The following SRSF8 variants were observed in gnomAD, a reference collection of about 807,000 sequenced individuals.
SRSF8 encodes the protein serine and arginine rich splicing factor 8.
SRSF8 carries 3 observed loss-of-function variants against 2.0 expected under a neutral mutation model. That is an observed-to-expected ratio of 1.47 (90% confidence interval 0.67 to 3.79). SRSF8 has a LOEUF of 3.79. Ranked by LOEUF, SRSF8 falls within the 30% of genes most tolerant of loss-of-function variation. The pLI, the probability that SRSF8 is intolerant of heterozygous loss-of-function variation, is 0.02. For synonymous variants in SRSF8, 162 were observed against 170.7 expected (o/e 0.95, Z 0.40); for missense variants, 408 against 410.9 (o/e 0.99, Z 0.06).
rs182269432 is a variant in SRSF8 at position 95,067,934 on chromosome 11, G to T, written c.708G>T (p.Ser236=). The change falls in exon 1 of 1, where the codon TCG becomes TCT. Residue 236 remains serine, a synonymous_variant. Transcript: ENST00000587424. ...SSSARRSKSS[S]VSRSRSRSRS... ...CTGCGCGACGATCCAAGTCCTCCTC[G>T]GTCTCCAGGTCTCGCTCGCGGTCCA... The T allele has an allele frequency of 1.9e-6, 3 of 1,613,956 alleles. No homozygotes were observed. Among genetic ancestry groups the T allele is most frequent in the Non-Finnish European group, 2.5e-6 (3 of 1,179,910 alleles).
In SRSF8 at chr11:95,067,394, CTTCGCT is replaced by C. The variant is rs1461320386; in HGVS notation, c.173_178del (p.Ala58_Phe59del). 3.3e-5 allele frequency: 52 copies of C among 1,585,394 alleles called. No individual in the cohort carries two copies. The highest frequency in any genetic ancestry group is 4.4e-5 in the Non-Finnish European group (51 of 1,168,682). ...AGCCCCACACCAAGGCGCCCCGGGG[CTTCGCT>C]TTCGTCCGCTTTCACGACCGGCGCG... On this transcript the variant is annotated inframe_deletion, in exon 1 of 1. Coordinates refer to ENST00000587424, the MANE Select transcript of SRSF8 (RefSeq NM_032102.4).
rs1555107668 is a variant in SRSF8 at position 95,070,475 on chromosome 11, G to A, written c.*2400G>A. On this transcript the variant is annotated 3_prime_UTR_variant, in exon 1 of 1. Coordinates refer to ENST00000587424, the MANE Select transcript of SRSF8 (RefSeq NM_032102.4). ...CAGAAATGTGTAGTTGTCATTGAAG[G>A]TGTGAACATACCCTACCTCTACTCT... The A allele has an allele frequency of 6.0e-6, 1 of 167,196 alleles. No homozygotes were observed. The highest frequency in any genetic ancestry group is 1.5e-5 in the Non-Finnish European group (1 of 68,148). 10.4% of individuals were successfully genotyped at this position (167,196 alleles called of 1,614,324 possible). A position where few individuals can be genotyped will look rare whatever the true frequency, so the allele number is the denominator to read the frequency against.
At position 95,069,534 on chromosome 11, in the gene SRSF8, A is replaced by G. The variant is rs1269414136; in HGVS notation, c.*1459A>G. ...GATCTTCATTAATATTTTTGACTGA[A>G]TTATCAATTAAAAATATTTCATTCC... On this transcript the variant is annotated 3_prime_UTR_variant, in exon 1 of 1. Transcript: ENST00000587424. 1 of 167,062 alleles carries G rather than the reference A, an allele frequency of 6.0e-6. No homozygotes were observed. Among genetic ancestry groups the G allele is most frequent in the Non-Finnish European group, 1.5e-5 (1 of 68,126 alleles). 10.3% of individuals were successfully genotyped at this position (167,062 alleles called of 1,614,324 possible).
Position 95,067,181 on chromosome 11 carries a change from C to A in SRSF8, c.-46C>A, listed in dbSNP as rs556415336. 5.0e-5 allele frequency: 68 copies of A among 1,362,966 alleles called. No homozygotes were observed. In the South Asian group the frequency reaches 1.2e-3, roughly 24 times the overall value. 84.4% of individuals were successfully genotyped at this position (1,362,966 alleles called of 1,614,324 possible). ...AAAGAAACGCAGGTCGCACCGTCAG[C>A]GCCCAGAGCAGCGCCAGTTTCCGGG... On this transcript the variant is annotated 5_prime_UTR_variant, in exon 1 of 1. Coordinates refer to ENST00000587424, the MANE Select transcript of SRSF8 (RefSeq NM_032102.4).
Position 95,067,651 on chromosome 11 carries a change from C to G in SRSF8, c.425C>G (p.Ser142Cys). The part of the protein sequence containing the change: ...HRSRSRGPSC[S>C]RSRSRSRYRG... ...AGCCGATCCCGGGGTCCCAGCTGCT[C>G]CAGGTCCCGCAGCCGATCTCGCTAT... The change falls in exon 1 of 1, where the codon TCC becomes TGC. Residue 142 changes from serine (S) to cysteine (C), a missense_variant. Physicochemically the swap from Ser to Cys is moderately radical, Grantham distance 112. This residue lies in a region of SRSF8 where 346 missense variants were observed against 316.5 expected (regional missense o/e 1.09). Transcript: ENST00000587424. 1.2e-6 allele frequency: 2 copies of G among 1,606,586 alleles called. No individual in the cohort carries two copies. The highest frequency in any genetic ancestry group is 8.5e-7 in the Non-Finnish European group (1 of 1,176,538).
In SRSF8 at chr11:95,068,550, G is replaced by A. The variant is rs991432081; in HGVS notation, c.*475G>A. The A allele has an allele frequency of 4.0e-5, 7 of 173,996 alleles. No homozygotes were observed. The East Asian group carries it at 9.1e-4, about 23-fold the overall frequency. 10.8% of individuals were successfully genotyped at this position (173,996 alleles called of 1,614,324 possible). On this transcript the variant is annotated 3_prime_UTR_variant, in exon 1 of 1. Transcript: ENST00000587424. ...TATGGATAATTTTATTTACCTCCAG[G>A]TCTAAAAGGTAGTGTGACCCAAATT...
chr11:95,068,229 T>G lies in SRSF8; in HGVS notation c.*154T>G, dbSNP rs1409234681. ...CTTTTTGCCAGTTTGAAGCTTTGCA[T>G]CAGGTGGCAAAATTCATTCTATGTG... is the stretch of plus-strand genomic sequence containing the variant. On this transcript the variant is annotated 3_prime_UTR_variant, in exon 1 of 1. Transcript: ENST00000587424. 1 of 756,390 alleles carries G rather than the reference T, an allele frequency of 1.3e-6. No homozygotes were observed. Among genetic ancestry groups the G allele is most frequent in the Admixed American group, 2.9e-5 (1 of 33,920 alleles). 46.9% of individuals were successfully genotyped at this position (756,390 alleles called of 1,614,324 possible). A position where few individuals can be genotyped will look rare whatever the true frequency, so the allele number is the denominator to read the frequency against.
rs553685528 is a variant in SRSF8, at chr11:95,071,195, A to T, written c.*3120A>T. 6.0e-6 allele frequency: 1 copy of T among 166,934 alleles called. No individual in the cohort carries two copies. Among genetic ancestry groups the T allele is most frequent in the African/African-American group, 2.4e-5 (1 of 41,428 alleles). 10.3% of individuals were successfully genotyped at this position (166,934 alleles called of 1,614,324 possible). ...GTAGTGTTTTACTAATTAATAAATC[A>T]TAATTCAGTTTTTACTGTTCTATTG... On this transcript the variant is annotated 3_prime_UTR_variant, in exon 1 of 1. Transcript: ENST00000587424.
At position 95,070,676 on chromosome 11, in the gene SRSF8, A is replaced by G. The variant is rs1555107688; in HGVS notation, c.*2601A>G. On this transcript the variant is annotated 3_prime_UTR_variant, in exon 1 of 1. Transcript: ENST00000587424. ...GCAGAATGGAGTGTATGTGGTCAAGAGTGGAAGCTGTGAGGCTATTGCAGT... is the reference window on the plus strand; with the variant it reads ...GCAGAATGGAGTGTATGTGGTCAAGGGTGGAAGCTGTGAGGCTATTGCAGT... 30 of 167,114 alleles carry G rather than the reference A, an allele frequency of 1.8e-4. No individual in the cohort carries two copies. 10.4% of individuals were successfully genotyped at this position (167,114 alleles called of 1,614,324 possible).
Position 95,067,812 on chromosome 11 carries a change from A to G in SRSF8, c.586A>G (p.Ser196Gly), listed in dbSNP as rs782123321. 7.0e-5 allele frequency: 113 copies of G among 1,613,912 alleles called. 1 individual carries two copies. The Admixed American group carries it at 1.8e-3, about 26-fold the overall frequency. The change falls in exon 1 of 1, where the codon AGT becomes GGT. Residue 196 changes from serine (S) to glycine (G), a missense_variant. Transcript: ENST00000587424. ...GGSHYSSSGY[S>G]NSRYSRYHSS... ...ATCTCACTACAGCTCATCTGGTTAC[A>G]GTAACTCTCGCTACAGCCGATATCA...
rs1858690724 is a variant in SRSF8, at chr11:95,068,658, C to G, written c.*583C>G. The G allele has an allele frequency of 1.2e-5, 2 of 170,342 alleles. No homozygotes were observed. The highest frequency in any genetic ancestry group is 3.9e-4 in the South Asian group (2 of 5,140). 10.6% of individuals were successfully genotyped at this position (170,342 alleles called of 1,614,324 possible). ...CTTTTGTGTTTTTGTGCACCAGGCC[C>G]GGCTGCGTAGCAGTTGAGTGATGCT... is the stretch of plus-strand genomic sequence containing the variant. On this transcript the variant is annotated 3_prime_UTR_variant, in exon 1 of 1. Coordinates refer to ENST00000587424, the MANE Select transcript of SRSF8 (RefSeq NM_032102.4).
At position 95,068,515 on chromosome 11, in the gene SRSF8, T is replaced by G. The variant is rs1398752556; in HGVS notation, c.*440T>G. The G allele has an allele frequency of 5.6e-6, 1 of 177,370 alleles. No individual in the cohort carries two copies. The highest frequency in any genetic ancestry group is 1.4e-5 in the Non-Finnish European group (1 of 73,178). 11.0% of individuals were successfully genotyped at this position (177,370 alleles called of 1,614,324 possible). On this transcript the variant is annotated 3_prime_UTR_variant, in exon 1 of 1. Transcript: ENST00000587424. ...TTCCTTAAAAACCTACAAAAGGTGGTGTAAATTAATATGGATAATTTTATT... is the reference window on the plus strand; with the variant it reads ...TTCCTTAAAAACCTACAAAAGGTGGGGTAAATTAATATGGATAATTTTATT...
chr11:95,067,590 G>A lies in SRSF8; in HGVS notation c.364G>A (p.Gly122Arg), dbSNP rs1555107105. The A allele has an allele frequency of 6.7e-7, 1 of 1,485,676 alleles. No homozygotes were observed. Among genetic ancestry groups the A allele is most frequent in the Non-Finnish European group, 9.1e-7 (1 of 1,097,362 alleles). The allele number at this position is 1,485,676 out of a possible 1,614,324, so 92.0% of individuals were successfully genotyped here. ...CTACGGACGGCGGAGCCGCAGCTAC[G>A]GGCGGCGGAGCCGCAGCCCCAGGCG... is the stretch of plus-strand genomic sequence containing the variant. ...GGYGRRSRSY[G>R]RRSRSPRRRH... is the part of the protein sequence containing the mutation. The change falls in exon 1 of 1, where the codon GGG (glycine) becomes AGG (arginine). Residue 122 changes from glycine to arginine, a missense_variant. By Grantham distance (125) the Gly-to-Arg change is moderately radical (BLOSUM62 -2). This residue lies in a region of SRSF8 where 346 missense variants were observed against 316.5 expected (regional missense o/e 1.09). Coordinates refer to ENST00000587424, the MANE Select transcript of SRSF8 (RefSeq NM_032102.4).
chr11:95,067,081 G>T lies in SRSF8; in HGVS notation c.-146G>T. 4.2e-6 allele frequency: 3 copies of T among 709,222 alleles called. No individual in the cohort carries two copies. The highest frequency in any genetic ancestry group is 6.4e-6 in the Non-Finnish European group (3 of 470,374). The allele number at this position is 709,222 out of a possible 1,614,324, so 43.9% of individuals were successfully genotyped here. On this transcript the variant is annotated 5_prime_UTR_variant, in exon 1 of 1. Coordinates refer to ENST00000587424, the MANE Select transcript of SRSF8 (RefSeq NM_032102.4). ...AACTCGGAAGTTGCTGCTCCAGGGC[G>T]CTCCCTGCGGAGCTCCGCCGCCCGC...
chr11:95,069,932 G>A lies in SRSF8; in HGVS notation c.*1857G>A, dbSNP rs1858710866. The A allele has an allele frequency of 1.2e-5, 2 of 167,048 alleles. No individual in the cohort carries two copies. Among genetic ancestry groups the A allele is most frequent in the African/African-American group, 2.4e-5 (1 of 41,434 alleles). The allele number at this position is 167,048 out of a possible 1,614,324, so 10.3% of individuals were successfully genotyped here. ...CGGGGACGGGGCAGCCCTAAGGGTAGGGAAGCATTGTCAATTTCTGGGGAT... is the reference window on the plus strand; with the variant it reads ...CGGGGACGGGGCAGCCCTAAGGGTAAGGAAGCATTGTCAATTTCTGGGGAT... On this transcript the variant is annotated 3_prime_UTR_variant, in exon 1 of 1. Transcript: ENST00000587424.
In SRSF8 at chr11:95,069,432, C is replaced by A. The variant is rs1027071580; in HGVS notation, c.*1357C>A. On this transcript the variant is annotated 3_prime_UTR_variant, in exon 1 of 1. Coordinates refer to ENST00000587424, the MANE Select transcript of SRSF8 (RefSeq NM_032102.4). Reference sequence around the variant, plus strand: ...CCTTTACTAGCAAAGGGAAAAATAACAATTTGGTGTCAATGATCTGGTGAC... The same window carrying A: ...CCTTTACTAGCAAAGGGAAAAATAAAAATTTGGTGTCAATGATCTGGTGAC... The A allele has an allele frequency of 1.8e-5, 3 of 166,056 alleles. No homozygotes were observed. The highest frequency in any genetic ancestry group is 4.4e-5 in the Non-Finnish European group (3 of 68,110). The allele number at this position is 166,056 out of a possible 1,614,324, so 10.3% of individuals were successfully genotyped here.
chr11:95,067,638 G>A lies in SRSF8; in HGVS notation c.412G>A (p.Gly138Ser). The A allele has an allele frequency of 6.3e-7, 1 of 1,596,570 alleles. No individual in the cohort carries two copies. The highest frequency in any genetic ancestry group is 8.5e-7 in the Non-Finnish European group (1 of 1,171,742). ...PRRRHRSRSR[G>S]PSCSRSRSRS... ...GCGGCGACACCGCAGCCGATCCCGG[G>A]GTCCCAGCTGCTCCAGGTCCCGCAG... Residue 138 changes from glycine (G) to serine (S), a missense_variant, in exon 1 of 1, where the codon GGT becomes AGT. Transcript: ENST00000587424.
rs1858726737 is a variant in SRSF8, at chr11:95,070,783, T to C, written c.*2708T>C. 1 of 167,088 alleles carries C rather than the reference T, an allele frequency of 6.0e-6. No homozygotes were observed. The highest frequency in any genetic ancestry group is 2.1e-4 in the South Asian group (1 of 4,832). 10.4% of individuals were successfully genotyped at this position (167,088 alleles called of 1,614,324 possible). On this transcript the variant is annotated 3_prime_UTR_variant, in exon 1 of 1. Coordinates refer to ENST00000587424, the MANE Select transcript of SRSF8 (RefSeq NM_032102.4). The stretch of plus-strand genomic sequence containing the variant: ...CATAAATAGACATATTCAGGAAATA[T>C]ATTGATCTTAGATCTAATAAGACAC...
Position 95,067,736 on chromosome 11 carries a change from C to G in SRSF8, c.510C>G (p.Tyr170Ter). ...GATCTCCTTACAGCCGGTCGCGCTA[C>G]AGCCGCTCTCCCTACAGCAGATCTC... The part of the protein sequence containing the change: ...YSRSPYSRSR[Y>*]SRSPYSRSRY... Residue 170 changes from tyrosine (Y) to a stop codon, truncating the protein, a stop_gained, in exon 1 of 1, where the codon TAC (tyrosine) becomes TAG (stop). Coordinates refer to ENST00000587424, the MANE Select transcript of SRSF8 (RefSeq NM_032102.4). LOFTEE classifies it low-confidence loss of function (END_TRUNC). 1.2e-6 allele frequency: 2 copies of G among 1,614,036 alleles called. No individual in the cohort carries two copies. The highest frequency in any genetic ancestry group is 1.7e-6 in the Non-Finnish European group (2 of 1,179,894).
Sources: allele counts gnomAD v4.1 joint callset, GRCh38; gene constraint gnomAD v4.1.1; regional missense constraint gnomAD v4.1.1; transcripts MANE v1.5; gene names NCBI Gene and HGNC (gene_info 2026-07-23, HGNC 2026-07-21).